MID1: variants seen among roughly 807,000 people sequenced by gnomAD.
MID1 encodes midline 1.
MID1 carries 7 observed loss-of-function variants against 40.4 expected under a neutral mutation model. The ratio of observed to expected loss-of-function variants is 0.17; its 90% confidence interval spans 0.10 to 0.33. The LOEUF is 0.33. Among genes scored for constraint, MID1 ranks in the 10% least tolerant of loss-of-function variants. MID1 has a pLI of 1.00. For missense variants in MID1, 367 were observed against 558.5 expected (o/e 0.66, Z 3.46); for synonymous variants, 229 against 221.2 (o/e 1.04, Z -0.31).
At chrX:10,798,123 T>A (rs116286974) in intron 1 of MID1, among the ~76,000 whole-genome samples, 3 of 112,185 alleles carry the variant, frequency 2.7e-5, no homozygotes, top group African/African-American at 9.7e-5. Context: ...CCTTGCAAAC[T>A]GTGTCTGTGA....
intron 1 of MID1, among the ~76,000 whole-genome samples, chrX:10,658,845 A>G (rs1032501234): frequency 8.9e-6 from 1 of 111,968 alleles, no homozygotes; most frequent in Admixed American, 9.5e-5. Context: ...CTGGACTGAG[A>G]TAAGATAATT....
intron 1 of MID1, among the ~76,000 whole-genome samples, chrX:10,761,442 C>G (rs2043677661): frequency 1.8e-5 from 2 of 112,286 alleles, no homozygotes; most frequent in Non-Finnish European, 3.8e-5. Context: ...TCCTTCACCT[C>G]TCCCTGTATC....
chrX:10,488,886 C>A (rs1400145281), intron 4 of MID1, among the ~76,000 whole-genome samples: 1 of 111,360 alleles, frequency 9.0e-6, no homozygotes, highest in Non-Finnish European at 1.9e-5. Flanking sequence ...TTTTGAGAGT[C>A]GGACTGGCTC....
chrX:10,522,487 T>C (rs1932754727), intron 3 of MID1, among the ~76,000 whole-genome samples: 1 of 112,332 alleles, frequency 8.9e-6, no homozygotes, highest in Non-Finnish European at 1.9e-5. Flanking sequence ...ATGGTAGCCA[T>C]AGTACACTAA....
At chrX:10,573,390 T>G (rs918216736) in intron 1 of MID1, among the ~76,000 whole-genome samples, 1 of 111,818 alleles carries the variant, frequency 8.9e-6, no homozygotes, top group African/African-American at 3.3e-5. Flanking sequence ...GAACTTTGCT[T>G]TATAACAACT....
chrX:10,543,675 T>C (rs934809663), intron 2 of MID1, among the ~76,000 whole-genome samples: 6 of 109,933 alleles, frequency 5.5e-5, no homozygotes, highest in Admixed American at 9.8e-5. Context: ...AAACGCGGTC[T>C]CTACTAAAAA....
intron 1 of MID1, among the ~76,000 whole-genome samples, chrX:10,645,105 T>A (rs1936248944): frequency 9.0e-6 from 1 of 111,171 alleles, no homozygotes. Flanking sequence ...GAACAGGGGG[T>A]CAGGAGGGCT....
chrX:10,653,660 T>C (rs1305952946), intron 1 of MID1, among the ~76,000 whole-genome samples: 1 of 112,946 alleles, frequency 8.9e-6, no homozygotes, highest in East Asian at 2.8e-4. Context: ...CTCAAAGAGT[T>C]GAAATATGAA....
intron 2 of MID1, among the ~76,000 whole-genome samples, chrX:10,541,665 A>AT (rs1933473386): frequency 1.8e-5 from 2 of 111,603 alleles, no homozygotes; most frequent in East Asian, 5.6e-4. Flanking sequence ...AGTATTTCCT[A>AT]ACACATAAGG....
chrX:10,761,683 A>T (rs2043679026), intron 1 of MID1, among the ~76,000 whole-genome samples: 2 of 112,429 alleles, frequency 1.8e-5, no homozygotes, highest in Non-Finnish European at 3.8e-5. Context: ...GATGACAAGG[A>T]CTTAGAGTAA....
chrX:10,726,944 A>G (rs2043396240), intron 1 of MID1, among the ~76,000 whole-genome samples: 1 of 112,411 alleles, frequency 8.9e-6, no homozygotes, highest in African/African-American at 3.2e-5. Context: ...GGGACTGGGA[A>G]GGGCTACAGC....
chrX:10,565,774 T>C (rs1215507296), intron 2 of MID1, among the ~76,000 whole-genome samples: 1 of 110,347 alleles, frequency 9.1e-6, no homozygotes, highest in Non-Finnish European at 1.9e-5. Context: ...TATTATTTCT[T>C]CCCTAGTGCT....
chrX:10,506,162 C>T, intron 3 of MID1: 2 of 901,379 alleles, frequency 2.2e-6, no homozygotes, highest in South Asian at 5.7e-5. Context: ...TCTTTGATGT[C>T]CAGTGATTCA....
upstream of MID1, among the ~76,000 whole-genome samples, chrX:10,623,064 T>C (rs1297860705): frequency 1.2e-5 from 1 of 83,580 alleles, no homozygotes; most frequent in African/African-American, 5.0e-5. Flanking sequence ...CTGGGCAACA[T>C]GGTGAAATGC....
At chrX:10,521,809 C>CA (rs1278748600) in intron 3 of MID1, among the ~76,000 whole-genome samples, 1 of 112,084 alleles carries the variant, frequency 8.9e-6, no homozygotes, top group African/African-American at 3.2e-5. Flanking sequence ...CCCTTGGTAC[C>CA]TGTAAATGGG....
intron 1 of MID1, among the ~76,000 whole-genome samples, chrX:10,728,401 T>C (rs1431908869): frequency 8.9e-6 from 1 of 112,124 alleles, no homozygotes; most frequent in Non-Finnish European, 1.9e-5. Context: ...TAAACGTTTA[T>C]TGTTAAATAA....
rs1929596961 is a variant in MID1, at chrX:10,469,787, T to C, written c.1195A>G (p.Ile399Val). 1 of 1,210,675 alleles carries C rather than the reference T, an allele frequency of 8.3e-7. No individual in the cohort carries two copies. Among genetic ancestry groups the C allele is most frequent in the African/African-American group, 1.7e-5 (1 of 57,661 alleles). The change falls in exon 7 of 10, where the codon ATC (isoleucine) becomes GTC (valine). Residue 399 changes from isoleucine (I) to valine (V), a missense_variant. Physicochemically the swap from Ile to Val is conservative, Grantham distance 29. Coordinates refer to ENST00000317552, the MANE Select transcript of MID1 (RefSeq NM_000381.4). ...EELCTASYDT[I>V]TVHWTSDDEF... ...TCATCGGAGGTCCAATGCACAGTGA[T>C]GGTGTCATATGAAGCTGTGCAGAGC... is the stretch of plus-strand genomic sequence containing the variant.
chrX:10,780,181 G>A (rs1334734588), intron 1 of MID1, among the ~76,000 whole-genome samples: 1 of 110,974 alleles, frequency 9.0e-6, no homozygotes, highest in Admixed American at 9.6e-5. Context: ...GGCCAGGCTG[G>A]TCTCGATCTC....
At chrX:10,830,441 A>G (rs765795577) in intron 1 of MID1, among the ~76,000 whole-genome samples, 2 of 112,677 alleles carry the variant, frequency 1.8e-5, no homozygotes, top group South Asian at 3.7e-4. Flanking sequence ...AAGGCACTCA[A>G]TAAATATTTG....
Sources: allele counts gnomAD v4.1 joint callset (sites outside exome capture counted in the v4.1 genomes callset), GRCh38; gene constraint gnomAD v4.1.1; transcripts MANE v1.5; gene names NCBI Gene and HGNC (gene_info 2026-07-23, HGNC 2026-07-21).